SP100: variants seen among roughly 807,000 people sequenced by gnomAD.
SP100 encodes the protein SP100 nuclear body protein.
A neutral mutation model predicts 130.0 loss-of-function variants in SP100; 84 were observed. The ratio of observed to expected loss-of-function variants is 0.65; its 90% CI spans 0.54 to 0.77. The LOEUF (loss-of-function observed/expected upper bound fraction) is 0.77. Among genes scored for constraint, SP100 ranks in the 30% least tolerant of loss-of-function variants. The pLI is 0.00. For synonymous variants in SP100, 331 were observed against 351.7 expected, an observed-to-expected ratio of 0.94 and a Z score of 0.66; for missense variants, 978 against 1,052.2, an observed-to-expected ratio of 0.93 and a Z score of 0.97.
chr2:230,490,193 T>C (rs1296030783), intron 17 of SP100, among the ~76,000 whole-genome samples: 1 of 152,094 alleles, frequency 6.6e-6, no homozygotes, highest in African/African-American at 2.4e-5. Flanking sequence ...TGGGTGCATA[T>C]ATATTTAGAA....
At chr2:230,473,809 A>G (rs1427972844) in intron 16 of SP100, among the ~76,000 whole-genome samples, 2 of 152,142 alleles carry the variant, frequency 1.3e-5, no homozygotes, top group Non-Finnish European at 2.9e-5. Context: ...ACTGGTAAAC[A>G]TAGTAGTATC....
At chr2:230,525,385 T>C (rs1033939827) in intron 24 of SP100, among the ~76,000 whole-genome samples, 1 of 152,214 alleles carries the variant, frequency 6.6e-6, no homozygotes, top group Non-Finnish European at 1.5e-5. Flanking sequence ...TTAAAGCTCT[T>C]AGTCTTGATG....
At chr2:230,425,841 T>C (rs1307261393) in intron 2 of SP100, among the ~76,000 whole-genome samples, 1 of 152,070 alleles carries the variant, frequency 6.6e-6, no homozygotes, top group Non-Finnish European at 1.5e-5. Flanking sequence ...TTGGTATTAG[T>C]TTCTTCTTAA....
chr2:230,442,412 C>CAGT (rs999270318), intron 2 of SP100, among the ~76,000 whole-genome samples: 1 of 152,040 alleles, frequency 6.6e-6, no homozygotes, highest in African/African-American at 2.4e-5. Flanking sequence ...AATGTGGTCT[C>CAGT]ATTATTATTA....
intron 2 of SP100, among the ~76,000 whole-genome samples, chr2:230,422,031 C>A (rs2149857786): frequency 6.6e-6 from 1 of 151,746 alleles, no homozygotes. Flanking sequence ...GGTTTTTTTT[C>A]TTGAAAATCT....
chr2:230,469,917 C>A, intron 14 of SP100, 98 bp from the exon 15 acceptor site: 1 of 1,509,860 alleles, frequency 6.6e-7, no homozygotes, highest in Non-Finnish European at 8.9e-7. Context: ...TCCCCCTCCT[C>A]CACAAGCTTC....
chr2:230,446,234 G>C (rs1377929889), intron 4 of SP100, among the ~76,000 whole-genome samples: 1 of 152,150 alleles, frequency 6.6e-6, no homozygotes, highest in Non-Finnish European at 1.5e-5. Context: ...TCAGCCTCTT[G>C]AGTAGCTGGG....
chr2:230,465,716 CCTT>C (rs1345570969), intron 11 of SP100, among the ~76,000 whole-genome samples: 1 of 152,078 alleles, frequency 6.6e-6, no homozygotes. Context: ...ATGTGACAAA[CCTT>C]CACATATACC....
chr2:230,513,036 T>C (rs1690710987), intron 24 of SP100, among the ~76,000 whole-genome samples: 1 of 152,220 alleles, frequency 6.6e-6, no homozygotes, highest in African/African-American at 2.4e-5. Context: ...GGGGAGCTGC[T>C]GTAAATACAG....
intron 25 of SP100, among the ~76,000 whole-genome samples, 200 bp from the exon 26 acceptor site, chr2:230,540,676 C>T (rs1270381932): frequency 6.6e-6 from 1 of 152,122 alleles, no homozygotes; most frequent in Non-Finnish European, 1.5e-5. Context: ...CAGATGATCA[C>T]CCCTGCTATC....
At chr2:230,471,982 A>G (rs1207483768) in intron 15 of SP100, among the ~76,000 whole-genome samples, 1 of 152,190 alleles carries the variant, frequency 6.6e-6, no homozygotes, top group African/African-American at 2.4e-5. Context: ...TAGAAAGCTC[A>G]TAAAGAACAG....
intron 12 of SP100, 43 bp from the exon 13 acceptor site, chr2:230,467,077 T>G (rs2064998612): frequency 7.6e-7 from 1 of 1,319,538 alleles, no homozygotes; most frequent in South Asian, 1.2e-5. Flanking sequence ...GGTTCCCTTA[T>G]CATACATTGA....
chr2:230,516,467 T>C (rs1199951876), intron 24 of SP100: 2 of 152,298 alleles, frequency 1.3e-5, no homozygotes, highest in East Asian at 1.9e-4. Context: ...AAACAAAATA[T>C]GAAAAGAATC....
chr2:230,462,715 G>A (rs17333468), intron 10 of SP100, 197 bp downstream of exon 10: 146,922 of 552,270 alleles, frequency 0.27, 21,514 homozygotes, highest in Middle Eastern at 0.33. Flanking sequence ...TTATTTTTGA[G>A]AATTAGCCTT....
chr2:230,474,831 G>A (rs569012261), intron 17 of SP100, among the ~76,000 whole-genome samples: 17 of 152,016 alleles, frequency 1.1e-4, no homozygotes, highest in Admixed American at 2.6e-4. Flanking sequence ...AATGGCCTCC[G>A]CTCCATCCAT....
intron 22 of SP100, 32 bp from the exon 23 acceptor site, chr2:230,507,961 C>G: frequency 1.2e-6 from 2 of 1,605,922 alleles, no homozygotes; most frequent in Non-Finnish European, 1.7e-6. Flanking sequence ...AAGCAAGAAC[C>G]CATCAAATCA....
intron 1 of SP100, 58 bp from the exon 2 acceptor site, chr2:230,417,533 T>G (rs1320260559): frequency 6.4e-7 from 1 of 1,568,108 alleles, no homozygotes; most frequent in Non-Finnish European, 8.6e-7. Flanking sequence ...CTTAAAAATG[T>G]AATTATTGAG....
chr2:230,486,757 T>C (rs988692467), intron 17 of SP100, among the ~76,000 whole-genome samples: 8 of 152,248 alleles, frequency 5.3e-5, no homozygotes, highest in African/African-American at 1.7e-4. Flanking sequence ...CACCATACTG[T>C]CTTCCACAAT....
chr2:230,470,433 A>T, intron 15 of SP100: 3 of 999,764 alleles, frequency 3.0e-6, no homozygotes, highest in Non-Finnish European at 3.6e-6. Context: ...AAATGGGTTG[A>T]CATCATTGTC....
Sources: gnomAD v4.1 joint callset for allele counts (sites outside exome capture counted in the v4.1 genomes callset) on GRCh38, gnomAD v4.1.1 for gene constraint, MANE v1.5 for transcripts, NCBI Gene and HGNC (gene_info 2026-07-23, HGNC 2026-07-21) for gene names.